The following CACNA2D4 variants were observed in gnomAD, a reference collection of about 807,000 sequenced individuals.
CACNA2D4 encodes calcium voltage-gated channel auxiliary subunit alpha2delta 4, also known as voltage-dependent calcium channel subunit alpha-2/delta-4.
Under a neutral mutation model 163.8 loss-of-function variants are expected in CACNA2D4, and 157 were observed. The observed-to-expected ratio is 0.96, with a 90% confidence interval of 0.84 to 1.09. The LOEUF (loss-of-function observed/expected upper bound fraction) is 1.09, where lower values mean the gene tolerates loss of function less well. CACNA2D4 is among the 50% of genes least tolerant of loss of function. The pLI is 0.00. For synonymous variants in CACNA2D4, 598 were observed against 586.9 expected (o/e 1.02, Z -0.27); for missense variants, 1,410 against 1,479.9 (o/e 0.95, Z 0.78).
chr12:1,853,409 AGAG>A (rs1340506673), intron 23 of CACNA2D4, among the ~76,000 whole-genome samples: 1 of 152,214 alleles, frequency 6.6e-6, no homozygotes, highest in African/African-American at 2.4e-5. Flanking sequence ...TTGACTGTGT[AGAG>A]GAGGTTTGAC....
chr12:1,794,540 G>A (rs1291680919), intron 37 of CACNA2D4, among the ~76,000 whole-genome samples: 2 of 152,184 alleles, frequency 1.3e-5, no homozygotes, highest in Non-Finnish European at 2.9e-5. Context: ...CTGACAGACT[G>A]GCTGTAAATC....
In CACNA2D4 at chr12:1,829,939, T is replaced by C. The variant is rs935053924; in HGVS notation, c.2551+10800A>G. Among the ~76,000 whole-genome samples the C allele has an allele frequency of 6.6e-6, 1 of 152,106 alleles. No individual in the cohort carries two copies. The highest frequency in any genetic ancestry group is 2.4e-5 in the African/African-American group (1 of 41,422). On this transcript the variant is annotated intron_variant, in intron 26 of 37. Coordinates refer to ENST00000382722, the MANE Select transcript of CACNA2D4 (RefSeq NM_172364.5). The surrounding 1 kb of genome is among the most constrained non-coding windows in gnomAD (Gnocchi z 4.2). ...CACTTAGGGGTTTTTGAGGCCACTATTGGAAAGGGCTGCTGCATAATGGAA... is the reference window on the plus strand; with the variant it reads ...CACTTAGGGGTTTTTGAGGCCACTACTGGAAAGGGCTGCTGCATAATGGAA...
chr12:1,876,091 G>C lies in CACNA2D4; in HGVS notation c.1720-754C>G, dbSNP rs113249445. Among the ~76,000 whole-genome samples, 657 of 152,274 alleles carry C rather than the reference G, an allele frequency of 4.3e-3. 5 individuals are homozygous for C. The highest frequency in any genetic ancestry group is 0.015 in the African/African-American group (622 of 41,540). ...GTCCCTCTTCACAATCGTAAGCTTG[G>C]GCACTGAGTATTTCGCAGAGCTCTC... On this transcript the variant is annotated intron_variant, in intron 16 of 37. Transcript: ENST00000382722.
rs1266986646 is a variant in CACNA2D4, at chr12:1,858,638, C to T, written c.1947G>A (p.Gly649=). ...CTCCGTGGCCCCGGGACAGCACCAC[C>T]CCCAAACTGTGGGGAGAGAAGAGAA... ...TDISDTPFSL[G]VVLSRGHGEY... Residue 649 remains glycine, a synonymous_variant, in exon 20 of 38, where the codon GGG becomes GGA. Transcript: ENST00000382722. 1.2e-6 allele frequency: 2 copies of T among 1,601,710 alleles called. No homozygotes were observed. Among genetic ancestry groups the T allele is most frequent in the Admixed American group, 1.7e-5 (1 of 58,484 alleles).
rs995138779 is a variant in CACNA2D4, at chr12:1,843,959, T to C, written c.2470+443A>G. Among the ~76,000 whole-genome samples the C allele has an allele frequency of 6.6e-6, 1 of 152,136 alleles. No individual in the cohort carries two copies. Among genetic ancestry groups the C allele is most frequent in the Non-Finnish European group, 1.5e-5 (1 of 68,026 alleles). ...CTGGGTAACTGGGGACGGGTTGCTT[T>C]CTTTCTGTTTGGGAAGAGCAGGGCA... On this transcript the variant is annotated intron_variant, in intron 25 of 37. Transcript: ENST00000382722. This position sits in a 1 kb window ranked among gnomAD's most constrained non-coding sequence, Gnocchi z 4.6.
At position 1,885,029 on chromosome 12, in the gene CACNA2D4, G is replaced by C; in HGVS notation, c.1116C>G (p.Val372=). ...VEELMVKGVG[V]VDQALREAFQ... The stretch of plus-strand genomic sequence containing the variant: ...AGGCTTCTCTCAGGGCTTGGTCCAC[G>C]ACCCCCACACCTTTGACCATCAACT... The change falls in exon 10 of 38, where the codon GTC becomes GTG. Residue 372 remains valine, a synonymous_variant. Coordinates refer to ENST00000382722, the MANE Select transcript of CACNA2D4 (RefSeq NM_172364.5). 6.2e-7 allele frequency: 1 copy of C among 1,613,868 alleles called. No individual in the cohort carries two copies. Among genetic ancestry groups the C allele is most frequent in the Non-Finnish European group, 8.5e-7 (1 of 1,179,858 alleles).
chr12:1,907,599 C>G (rs757155149), intron 5 of CACNA2D4, 28 bp from the exon 6 acceptor site: 53 of 1,601,218 alleles, frequency 3.3e-5, no homozygotes, highest in Non-Finnish European at 4.2e-5. Context: ...AGATTATGAT[C>G]CTGTAGAACT....
intron 6 of CACNA2D4, 45 bp from the exon 7 acceptor site, chr12:1,887,114 C>T (rs1350773149): frequency 5.1e-6 from 7 of 1,364,316 alleles, no homozygotes; most frequent in Non-Finnish European, 7.2e-6. Flanking sequence ...GGTGAGGCCA[C>T]CCCAGATCCC....
Position 1,907,971 on chromosome 12 carries a change from C to A in CACNA2D4, c.553G>T (p.Ala185Ser). The A allele has an allele frequency of 6.2e-7, 1 of 1,613,980 alleles. No homozygotes were observed. Among genetic ancestry groups the A allele is most frequent in the Non-Finnish European group, 8.5e-7 (1 of 1,179,838 alleles). The change falls in exon 5 of 38, where the codon GCC (alanine) becomes TCC (serine). Residue 185 changes from alanine (A) to serine (S), a missense_variant. By Grantham distance (99) the Ala-to-Ser change is moderately conservative. Transcript: ENST00000382722. ...DEKGNFVELG[A>S]EFLLESNAHF... is the part of the protein sequence containing the mutation. The stretch of plus-strand genomic sequence containing the variant: ...GCATTGGACTCCAGGAGGAACTCGG[C>A]GCCCAGCTCCACGAAGTTGCCCTTC...
In CACNA2D4 at chr12:1,793,751, G is replaced by C; in HGVS notation, c.3318C>G (p.Ala1106=). 6.2e-7 allele frequency: 1 copy of C among 1,612,974 alleles called. No individual in the cohort carries two copies. Among genetic ancestry groups the C allele is most frequent in the South Asian group, 1.1e-5 (1 of 91,060 alleles). ...SCHAFHPEEN[A]QDCGGASDTS... ...TGTCCGAGGCGCCGCCGCAGTCCTG[G>C]GCATTCTCCTGCGAACGCAGAGCAG... The change falls in exon 38 of 38, where the codon GCC becomes GCG. Residue 1106 remains alanine (A), a synonymous_variant. Coordinates refer to ENST00000382722, the MANE Select transcript of CACNA2D4 (RefSeq NM_172364.5).
intron 22 of CACNA2D4, 36 bp downstream of exon 22, chr12:1,855,976 A>G (rs1334089422): frequency 1.3e-6 from 2 of 1,541,266 alleles, no homozygotes; most frequent in South Asian, 1.1e-5. Flanking sequence ...AGGGCCCCAG[A>G]GGAAAAGCTT....
chr12:1,899,725 T>C (rs570791317), intron 6 of CACNA2D4, among the ~76,000 whole-genome samples: 5 of 152,266 alleles, frequency 3.3e-5, no homozygotes, highest in African/African-American at 1.2e-4. Flanking sequence ...CTAATCTTAT[T>C]CAAATACTTC....
At chr12:1,866,844 G>A (rs9668804) in intron 18 of CACNA2D4, among the ~76,000 whole-genome samples, 122,339 of 149,556 alleles carry the variant, frequency 0.82, 50,667 homozygotes, top group South Asian at 0.88. Context: ...TGTTGTCCAG[G>A]CTGGTCACGA....
rs762559441 is a variant in CACNA2D4 at position 1,801,642 on chromosome 12, C to T, written c.2724G>A (p.Thr908=). 1.3e-5 allele frequency: 20 copies of T among 1,581,562 alleles called. No individual in the cohort carries two copies. The highest frequency in any genetic ancestry group is 4.0e-5 in the African/African-American group (3 of 74,172). Reference sequence around the variant, plus strand: ...CATCCACCTCCCCCAGAAATCTTCCCGTCTGTGAGAGAGGGACAGCAGAGA... The same window carrying T: ...CATCCACCTCCCCCAGAAATCTTCCTGTCTGTGAGAGAGGGACAGCAGAGA... ...FILISKRSRE[T]GRFLGEVDGA... Residue 908 remains threonine (T), a splice_region_variant and synonymous_variant, in exon 30 of 38, where the codon ACG becomes ACA. Transcript: ENST00000382722.
chr12:1,853,437 G>A (rs996870875), intron 23 of CACNA2D4, among the ~76,000 whole-genome samples: 1 of 151,394 alleles, frequency 6.6e-6, no homozygotes, highest in Non-Finnish European at 1.5e-5. Context: ...TCACAATGTT[G>A]AATCTTCCTA....
chr12:1,903,894 A>G (rs1375949660), intron 6 of CACNA2D4, among the ~76,000 whole-genome samples: 1 of 152,120 alleles, frequency 6.6e-6, no homozygotes, highest in Non-Finnish European at 1.5e-5. Context: ...AAAGAAAATC[A>G]GTATATTGAA....
At chr12:1,897,831 A>G (rs1421435667) in intron 6 of CACNA2D4, among the ~76,000 whole-genome samples, 1 of 152,250 alleles carries the variant, frequency 6.6e-6, no homozygotes, top group East Asian at 1.9e-4. Flanking sequence ...CAGCAAAGAT[A>G]CAGAAAATTT....
chr12:1,860,103 G>A, intron 19 of CACNA2D4, 42 bp downstream of exon 19: 2 of 1,536,642 alleles, frequency 1.3e-6, no homozygotes, highest in Non-Finnish European at 1.8e-6. Context: ...TGGTATTCAT[G>A]TTCAACCCTC....
At chr12:1,814,191 C>T (rs980634929) in intron 26 of CACNA2D4, among the ~76,000 whole-genome samples, 5 of 152,026 alleles carry the variant, frequency 3.3e-5, no homozygotes, top group Admixed American at 6.5e-5. Flanking sequence ...AGTGTCAAGT[C>T]GCATAGAATC....
Sources: gnomAD v4.1 joint callset for allele counts (sites outside exome capture counted in the v4.1 genomes callset) on GRCh38, gnomAD v4.1.1 for gene constraint, Gnocchi (gnomAD v3.1) non-coding constraint, MANE v1.5 for transcripts, NCBI Gene and HGNC (gene_info 2026-07-23, HGNC 2026-07-21) for gene names.